ARHGAP28: variants seen among roughly 807,000 people sequenced by gnomAD.
The protein encoded by ARHGAP28 is rho GTPase-activating protein 28.
In ARHGAP28, 56 loss-of-function variants were observed where a neutral mutation model predicts 90.7. The observed-to-expected ratio is 0.62, with a 90% CI of 0.50 to 0.77. The LOEUF (loss-of-function observed/expected upper bound fraction) is 0.77. Ranked by LOEUF, ARHGAP28 falls within the 30% of genes least tolerant of loss-of-function variation. ARHGAP28 has a pLI of 0.00. For synonymous variants in ARHGAP28, 308 were observed against 323.3 expected, an observed-to-expected ratio of 0.95 and a Z score of 0.51; for missense variants, 869 against 900.9, an observed-to-expected ratio of 0.96 and a Z score of 0.45.
intron 1 of ARHGAP28, among the ~76,000 whole-genome samples, chr18:6,806,512 A>T (rs2056520234): frequency 6.6e-6 from 1 of 152,050 alleles, no homozygotes; most frequent in African/African-American, 2.4e-5. Flanking sequence ...GTCAAATATG[A>T]CTATATTTTT....
At chr18:6,845,016 C>A (rs1339959365) in intron 3 of ARHGAP28, among the ~76,000 whole-genome samples, 1 of 152,170 alleles carries the variant, frequency 6.6e-6, no homozygotes, top group African/African-American at 2.4e-5. Flanking sequence ...AAATCTTGAG[C>A]TACCCTCCAT....
At chr18:6,756,417 A>G (rs1051492776) in intron 1 of ARHGAP28, among the ~76,000 whole-genome samples, 1 of 152,224 alleles carries the variant, frequency 6.6e-6, no homozygotes, top group Non-Finnish European at 1.5e-5. Flanking sequence ...AGCTTATGTT[A>G]GAAGAATAAG....
intron 1 of ARHGAP28, among the ~76,000 whole-genome samples, chr18:6,783,598 G>T (rs1355875210): frequency 6.6e-6 from 1 of 152,044 alleles, no homozygotes; most frequent in African/African-American, 2.4e-5. Context: ...ACCATGACCG[G>T]CCTGGGTATT....
chr18:6,764,064 T>C (rs4798492), intron 1 of ARHGAP28, among the ~76,000 whole-genome samples: 145,926 of 152,220 alleles, frequency 0.96, 70,243 homozygotes, highest in East Asian at 1. Context: ...AAATCTAATT[T>C]CACACACTTG....
chr18:6,805,798 A>G (rs1173445070), intron 1 of ARHGAP28, among the ~76,000 whole-genome samples: 2 of 150,464 alleles, frequency 1.3e-5, no homozygotes, highest in Non-Finnish European at 3.0e-5. Flanking sequence ...TTTTCTTTTT[A>G]ATTGAGAGGT....
At chr18:6,742,060 A>C (rs2055982500) in intron 1 of ARHGAP28, among the ~76,000 whole-genome samples, 1 of 152,220 alleles carries the variant, frequency 6.6e-6, no homozygotes. Flanking sequence ...AAGGGACCGA[A>C]GGATTCCATG....
intron 4 of ARHGAP28, among the ~76,000 whole-genome samples, chr18:6,852,187 T>C (rs1220904260): frequency 6.6e-6 from 1 of 152,222 alleles, no homozygotes; most frequent in Non-Finnish European, 1.5e-5. Context: ...TACATATGAA[T>C]GACCTTTGAC....
rs918360157 is a variant in ARHGAP28, at chr18:6,870,835, T to C, written c.954+103T>C. Reference sequence around the variant, plus strand: ...TTTTTTTTGAGACGGAGTCTCGCTCTATTGCCCCAGGCTGGAGTGCAGTGG... The same window carrying C: ...TTTTTTTTGAGACGGAGTCTCGCTCCATTGCCCCAGGCTGGAGTGCAGTGG... On this transcript the variant is annotated intron_variant, in intron 7 of 17. Transcript: ENST00000383472. 27 of 1,271,388 alleles carry C rather than the reference T, an allele frequency of 2.1e-5. No individual in the cohort carries two copies. The East Asian group carries it at 4.8e-4, about 22-fold the overall frequency. The allele number at this position is 1,271,388 out of a possible 1,614,324, so 78.8% of individuals were successfully genotyped here. A position where few individuals can be genotyped will look rare whatever the true frequency, so the allele number is the denominator to read the frequency against.
intron 1 of ARHGAP28, among the ~76,000 whole-genome samples, chr18:6,749,466 A>G (rs1399081421): frequency 6.6e-6 from 1 of 152,186 alleles, no homozygotes; most frequent in Non-Finnish European, 1.5e-5. Flanking sequence ...ACCCATAGAA[A>G]ACATCTAACC....
At chr18:6,853,822 A>G (rs2056930089) in intron 4 of ARHGAP28, among the ~76,000 whole-genome samples, 2 of 152,128 alleles carry the variant, frequency 1.3e-5, no homozygotes, top group African/African-American at 4.8e-5. Flanking sequence ...GCCCTACTTC[A>G]AGTTGTTCCA....
chr18:6,852,555 TTC>T (rs1387903917), intron 4 of ARHGAP28, among the ~76,000 whole-genome samples: 2 of 152,202 alleles, frequency 1.3e-5, no homozygotes, highest in Non-Finnish European at 2.9e-5. Context: ...AAGTAGTGTT[TTC>T]TTTTTTAAAT....
intron 1 of ARHGAP28, among the ~76,000 whole-genome samples, chr18:6,812,682 C>T (rs1014999063): frequency 3.3e-5 from 5 of 152,184 alleles, no homozygotes; most frequent in Admixed American, 6.5e-5. Flanking sequence ...CCATTCACCT[C>T]GACTGTGGAA....
At chr18:6,796,686 A>T (rs1436803789) in intron 1 of ARHGAP28, among the ~76,000 whole-genome samples, 2 of 152,116 alleles carry the variant, frequency 1.3e-5, no homozygotes, top group Non-Finnish European at 2.9e-5. Context: ...ACAACATCCT[A>T]TGGGTCTTAT....
chr18:6,858,658 C>T (rs887303524), intron 4 of ARHGAP28, among the ~76,000 whole-genome samples: 1 of 151,872 alleles, frequency 6.6e-6, no homozygotes, highest in Non-Finnish European at 1.5e-5. Context: ...ATTCTCCTGC[C>T]TCAGCTTCCC....
At chr18:6,792,995 A>T (rs1364829187) in intron 1 of ARHGAP28, among the ~76,000 whole-genome samples, 2 of 152,190 alleles carry the variant, frequency 1.3e-5, no homozygotes, top group Admixed American at 6.5e-5. Flanking sequence ...GCAAAACATA[A>T]TGAAAACCTT....
chr18:6,900,953 C>T (rs1172240029), intron 16 of ARHGAP28, among the ~76,000 whole-genome samples: 2 of 152,070 alleles, frequency 1.3e-5, no homozygotes, highest in Admixed American at 6.5e-5. Flanking sequence ...GATTTCTCTT[C>T]GGAAGCCATG....
At position 6,743,189 on chromosome 18, in the gene ARHGAP28, C is replaced by G. The variant is rs575948467; in HGVS notation, c.122+13246C>G. 2.0e-4 allele frequency among the ~76,000 whole-genome samples: 31 copies of G among 152,210 alleles called. 1 individual carries two copies. The South Asian group carries it at 5.6e-3, about 27-fold the overall frequency. ...AAAGAACTAAAATTCTGATCAAAGT[C>G]GAGAAAGAAATCTAGCATTTTTAAA... On this transcript the variant is annotated intron_variant, in intron 1 of 17. Transcript: ENST00000383472.
chr18:6,841,203 CCTCTCCTCTCTCTCT>C (rs1400294857), intron 3 of ARHGAP28, among the ~76,000 whole-genome samples: 1 of 41,972 alleles, frequency 2.4e-5, no homozygotes, highest in Non-Finnish European at 4.2e-5. Context: ...CTCTCTCTCT[CCTCTCCTCTCTCTCT>C]CTCTCCCCCC....
intron 1 of ARHGAP28, among the ~76,000 whole-genome samples, chr18:6,819,361 A>T (rs2056611892): frequency 6.6e-6 from 1 of 152,218 alleles, no homozygotes; most frequent in Non-Finnish European, 1.5e-5. Context: ...ATATTTTAAA[A>T]ACTATGTTGG....
Sources: gnomAD v4.1 joint callset for allele counts (sites outside exome capture counted in the v4.1 genomes callset) on GRCh38, gnomAD v4.1.1 for gene constraint, MANE v1.5 for transcripts, NCBI Gene and HGNC (gene_info 2026-07-23, HGNC 2026-07-21) for gene names.